Variants in CLECL1 observed in about 807,000 individuals in gnomAD.
CLECL1 encodes C-type lectin-like domain family 1.
chr12:9,706,298 GCAAA>G, the CLECL1 span, among the ~76,000 whole-genome samples: 1 of 152,186 alleles, frequency 6.6e-6, no homozygotes, highest in Non-Finnish European at 1.5e-5. Context: ...CATGTCATCT[GCAAA>G]CAAAGACAAT....
the CLECL1 span, among the ~76,000 whole-genome samples, chr12:9,703,101 C>T: frequency 3.9e-5 from 6 of 152,298 alleles, no homozygotes; most frequent in Admixed American, 2.6e-4. Context: ...GAATTTTTAA[C>T]GTTCCAAAGT....
the CLECL1 span, among the ~76,000 whole-genome samples, chr12:9,707,966 T>A: frequency 1.3e-5 from 2 of 152,178 alleles, no homozygotes; most frequent in Middle Eastern, 3.2e-3. Flanking sequence ...TATGCCTCCA[T>A]GTCGACAGCC....
chr12:9,713,881 T>C (rs1332951199), downstream of CLECL1, among the ~76,000 whole-genome samples: 1 of 152,208 alleles, frequency 6.6e-6, no homozygotes, highest in African/African-American at 2.4e-5. Flanking sequence ...GGCTCTTGGA[T>C]TGAGTCCGTG....
At chr12:9,718,028 G>C (rs560869854), downstream of CLECL1, among the ~76,000 whole-genome samples, 1 of 151,840 alleles carries the variant, frequency 6.6e-6, no homozygotes, top group African/African-American at 2.4e-5. Flanking sequence ...CTCAGAATAC[G>C]TTTTAAAAAT....
At chr12:9,727,518 A>G (rs7970116) in intron 3 of CLECL1, among the ~76,000 whole-genome samples, 80,334 of 151,426 alleles carry the variant, frequency 0.53, 21,579 homozygotes, top group African/African-American at 0.6. Context: ...CAAGGCTACT[A>G]TTCATGCTTG....
At chr12:9,711,969 T>A (rs1416852775), downstream of CLECL1, among the ~76,000 whole-genome samples, 1 of 152,220 alleles carries the variant, frequency 6.6e-6, no homozygotes, top group East Asian at 1.9e-4. Flanking sequence ...AGTATTATCA[T>A]TATCGAATAC....
chr12:9,717,053 C>T (rs966039717), intron 2 of CLECL1, among the ~76,000 whole-genome samples: 1 of 152,218 alleles, frequency 6.6e-6, no homozygotes, highest in African/African-American at 2.4e-5. Context: ...CTCTACCCAG[C>T]AAGTCCTGGA....
intron 3 of CLECL1, among the ~76,000 whole-genome samples, chr12:9,725,344 A>C (rs954251634): frequency 6.6e-6 from 1 of 152,122 alleles, no homozygotes; most frequent in African/African-American, 2.4e-5. Context: ...CCTAGCTTAT[A>C]AAGTTCTTTC....
At chr12:9,733,228 C>G (rs773102642), upstream of CLECL1, 1 of 1,612,440 alleles carries the variant, frequency 6.2e-7, no homozygotes, top group Non-Finnish European at 8.5e-7. Context: ...GCAGATTTCT[C>G]GAATACTTGT....
At chr12:9,732,861 T>A in intron 1 of CLECL1, 88 bp downstream of exon 1, 1 of 1,118,210 alleles carries the variant, frequency 8.9e-7, no homozygotes, top group Non-Finnish European at 1.3e-6. Context: ...TCTCCTCTTT[T>A]CAGTTTGGCA....
intron 2 of CLECL1, among the ~76,000 whole-genome samples, chr12:9,728,616 T>C (rs954990854): frequency 6.6e-6 from 1 of 151,908 alleles, no homozygotes; most frequent in Non-Finnish European, 1.5e-5. Context: ...AAAAAATCTA[T>C]TTTACTAAAA....
chr12:9,710,949 C>T (rs1866194720), downstream of CLECL1, among the ~76,000 whole-genome samples: 1 of 152,178 alleles, frequency 6.6e-6, no homozygotes, highest in African/African-American at 2.4e-5. Flanking sequence ...TTCCAGTACA[C>T]CAAGGCAAGA....
the CLECL1 span, among the ~76,000 whole-genome samples, chr12:9,706,390 T>C: frequency 6.6e-6 from 1 of 152,218 alleles, no homozygotes; most frequent in South Asian, 2.1e-4. Flanking sequence ...CTTCTAATAC[T>C]ATGTTGAAAA....
exon 3 of CLECL1, chr12:9,716,158 CTG>C (rs1393365286): frequency 6.6e-6 from 1 of 152,412 alleles, no homozygotes; most frequent in Non-Finnish European, 1.5e-5. Context: ...ACTCTCACCA[CTG>C]TGTTTCTGCC....
intron 1 of CLECL1, among the ~76,000 whole-genome samples, chr12:9,731,539 T>C (rs751093612): frequency 6.6e-6 from 1 of 152,068 alleles, no homozygotes; most frequent in Non-Finnish European, 1.5e-5. Flanking sequence ...ACAACAAAAA[T>C]CTAATCTATC....
exon 3 of CLECL1, chr12:9,716,441 C>A: frequency 6.0e-6 from 1 of 166,262 alleles, no homozygotes; most frequent in Non-Finnish European, 1.3e-5. Flanking sequence ...GTATCTCCGA[C>A]TAACACTAAC....
At chr12:9,724,661 T>C (rs368983355) in intron 3 of CLECL1, among the ~76,000 whole-genome samples, 21 of 152,268 alleles carry the variant, frequency 1.4e-4, no homozygotes, top group African/African-American at 4.8e-4. Context: ...AAGAAAAATG[T>C]TGGATAATTT....
chr12:9,711,247 T>G (rs1430872305), downstream of CLECL1, among the ~76,000 whole-genome samples: 2 of 152,170 alleles, frequency 1.3e-5, no homozygotes, highest in African/African-American at 2.4e-5. Context: ...ATAAGGGAAC[T>G]TTTCCCATTT....
At chr12:9,706,071 C>T in the CLECL1 span, among the ~76,000 whole-genome samples, 1 of 152,114 alleles carries the variant, frequency 6.6e-6, no homozygotes, top group South Asian at 2.1e-4. Flanking sequence ...TTGTACTTCT[C>T]CTTGAGGAAG....
Sources: gnomAD v4.1 joint callset for allele counts (sites outside exome capture counted in the v4.1 genomes callset) on GRCh38, gnomAD v4.1.1 for gene constraint, MANE v1.5 for transcripts, NCBI Gene and HGNC (gene_info 2026-07-23, HGNC 2026-07-21) for gene names.